The following ANTXR2 variants were observed in gnomAD, a reference collection of about 807,000 sequenced individuals.
ANTXR2 encodes ANTXR cell adhesion molecule 2, also known as anthrax toxin receptor 2.
ANTXR2 carries 44 observed loss-of-function variants against 73.7 expected under a neutral mutation model. That is an observed-to-expected ratio of 0.60 (90% CI 0.47 to 0.77). The LOEUF (loss-of-function observed/expected upper bound fraction) is 0.77. Ranked by LOEUF, ANTXR2 falls within the 30% of genes least tolerant of loss-of-function variation. ANTXR2 has a pLI of 0.00. For missense variants in ANTXR2, 604 were observed against 592.5 expected (o/e 1.02, Z -0.20); for synonymous variants, 217 against 205.9 (o/e 1.05, Z -0.46).
At chr4:79,911,366 T>A (rs1727129099) in intron 16 of ANTXR2, among the ~76,000 whole-genome samples, 1 of 152,166 alleles carries the variant, frequency 6.6e-6, no homozygotes, top group Non-Finnish European at 1.5e-5. Context: ...TGAGACTATT[T>A]CACTTTTATA....
intron 12 of ANTXR2, among the ~76,000 whole-genome samples, chr4:80,001,153 C>G (rs901727396): frequency 1.4e-5 from 2 of 138,480 alleles, no homozygotes; most frequent in African/African-American, 4.9e-5. Flanking sequence ...TTTCAATAGC[C>G]TTGGTACCAT....
chr4:80,003,061 G>A (rs1731127302), intron 12 of ANTXR2, among the ~76,000 whole-genome samples: 2 of 151,084 alleles, frequency 1.3e-5, no homozygotes, highest in Admixed American at 1.3e-4. Flanking sequence ...CCATTACTGG[G>A]TATATACCCA....
At chr4:80,023,454 G>C (rs1039031998) in intron 10 of ANTXR2, among the ~76,000 whole-genome samples, 3 of 152,116 alleles carry the variant, frequency 2.0e-5, no homozygotes, top group Non-Finnish European at 4.4e-5. Context: ...TGATAATTGG[G>C]CTGTACTTGG....
In ANTXR2 at chr4:79,977,946, A is replaced by G; in HGVS notation, c.1347+61T>C. The G allele has an allele frequency of 6.0e-6, 9 of 1,505,160 alleles. No homozygotes were observed. In the South Asian group the frequency reaches 1.1e-4, roughly 18 times the overall value. 93.2% of individuals were successfully genotyped at this position (1,505,160 alleles called of 1,614,324 possible). ...TCAAGTAGCTGGGGGGATGTGGTAC[A>G]AAAAAAGTTACAATGTCTCCAGAAG... is the stretch of plus-strand genomic sequence containing the variant. On this transcript the variant is annotated intron_variant, in intron 15 of 16. Coordinates refer to ENST00000403729, the MANE Select transcript of ANTXR2 (RefSeq NM_058172.6).
chr4:80,056,726 A>C (rs1010014951), intron 3 of ANTXR2, among the ~76,000 whole-genome samples: 3 of 151,922 alleles, frequency 2.0e-5, no homozygotes, highest in Admixed American at 2.0e-4. Context: ...GAAAGCAATT[A>C]AAAACTATAG....
At chr4:79,918,230 T>C (rs1478000740) in intron 16 of ANTXR2, among the ~76,000 whole-genome samples, 1 of 151,952 alleles carries the variant, frequency 6.6e-6, no homozygotes, top group African/African-American at 2.4e-5. Context: ...ATCCAATGGT[T>C]TGTCATATAA....
rs140491527 is a variant in ANTXR2, at chr4:80,019,153, G to A, written c.867-177C>T. ...GCCTCCCAAAGTCCTAGGATTACAG[G>A]CATGAGCCACCGTGCCCAGCATGGC... On this transcript the variant is annotated intron_variant, in intron 10 of 16. Transcript: ENST00000403729. 2.6e-3 allele frequency among the ~76,000 whole-genome samples: 402 copies of A among 152,218 alleles called. 15 individuals carry two copies. The East Asian group carries it at 0.063, about 24-fold the overall frequency.
At chr4:80,008,694 A>C (rs1731426741) in intron 11 of ANTXR2, 78 bp from the exon 12 acceptor site, 1 of 802,904 alleles carries the variant, frequency 1.2e-6, no homozygotes, top group South Asian at 2.1e-5. Context: ...TATTTTAAGG[A>C]AACACCAGAA....
chr4:79,963,579 TG>T (rs1729232167), intron 16 of ANTXR2, among the ~76,000 whole-genome samples: 2 of 152,202 alleles, frequency 1.3e-5, no homozygotes, highest in Admixed American at 1.3e-4. Flanking sequence ...ATCTGCCCTT[TG>T]GCCATTGCTC....
At chr4:79,915,852 CT>C in intron 16 of ANTXR2, among the ~76,000 whole-genome samples, 1 of 115,648 alleles carries the variant, frequency 8.6e-6, no homozygotes, top group South Asian at 2.9e-4. Flanking sequence ...CTCTCTCTCT[CT>C]CTCTCTCTCT....
chr4:80,054,189 G>A (rs1261794383), intron 7 of ANTXR2, 83 bp downstream of exon 7: 5 of 1,053,716 alleles, frequency 4.7e-6, no homozygotes, highest in Non-Finnish European at 4.2e-6. Context: ...ATGACCACCT[G>A]CACTGGATAT....
chr4:79,917,182 G>A (rs1727386264), intron 16 of ANTXR2, among the ~76,000 whole-genome samples: 1 of 152,150 alleles, frequency 6.6e-6, no homozygotes, highest in Non-Finnish European at 1.5e-5. Context: ...TTCTTTGAGA[G>A]CCAAGAAGTA....
intron 10 of ANTXR2, among the ~76,000 whole-genome samples, chr4:80,029,076 A>G (rs1732569834): frequency 6.6e-6 from 1 of 152,134 alleles, no homozygotes; most frequent in Admixed American, 6.6e-5. Flanking sequence ...TAAATGAATG[A>G]TGATTTCTCA....
intron 12 of ANTXR2, among the ~76,000 whole-genome samples, chr4:79,996,207 T>A (rs1350096853): frequency 2.0e-5 from 3 of 151,950 alleles, no homozygotes; most frequent in Non-Finnish European, 4.4e-5. Context: ...GACATCTTTT[T>A]AAAATAAGAT....
chr4:79,996,046 A>C (rs940627529), intron 12 of ANTXR2, among the ~76,000 whole-genome samples: 4 of 151,966 alleles, frequency 2.6e-5, no homozygotes, highest in African/African-American at 9.7e-5. Context: ...CTGTGCAATC[A>C]CTATGTTTAT....
chr4:79,934,665 G>C (rs965782009), intron 16 of ANTXR2, among the ~76,000 whole-genome samples: 1 of 152,058 alleles, frequency 6.6e-6, no homozygotes, highest in African/African-American at 2.4e-5. Context: ...AGAATTATGT[G>C]AATGTGCATG....
At chr4:79,952,508 A>G (rs1399208345) in intron 16 of ANTXR2, among the ~76,000 whole-genome samples, 1 of 152,056 alleles carries the variant, frequency 6.6e-6, no homozygotes, top group African/African-American at 2.4e-5. Context: ...AAATTTAGAA[A>G]AGTCAGAAAT....
chr4:80,038,935 A>T (rs1264021139), intron 7 of ANTXR2, among the ~76,000 whole-genome samples: 1 of 152,080 alleles, frequency 6.6e-6, no homozygotes, highest in Non-Finnish European at 1.5e-5. Context: ...TGAGGAAAGA[A>T]ATGAGATTGA....
intron 3 of ANTXR2, among the ~76,000 whole-genome samples, chr4:80,063,000 T>C (rs924070819): frequency 1.3e-5 from 2 of 151,066 alleles, no homozygotes; most frequent in Admixed American, 6.6e-5. Flanking sequence ...AAAAGAAAAA[T>C]GAAAAAAAAT....
Sources: allele counts gnomAD v4.1 joint callset (sites outside exome capture counted in the v4.1 genomes callset), GRCh38; gene constraint gnomAD v4.1.1; transcripts MANE v1.5; gene names NCBI Gene and HGNC (gene_info 2026-07-23, HGNC 2026-07-21).